ASIC2: variants seen among roughly 807,000 people sequenced by gnomAD.
ASIC2 encodes acid sensing ion channel subunit 2.
ASIC2 carries 25 observed loss-of-function variants against 57.3 expected under a neutral mutation model. The ratio of observed to expected loss-of-function variants is 0.44; its 90% CI spans 0.32 to 0.61. The LOEUF (loss-of-function observed/expected upper bound fraction) is 0.61. Ranked by LOEUF, ASIC2 falls within the 20% of genes least tolerant of loss-of-function variation. The pLI is 0.06. For synonymous variants in ASIC2, 319 were observed against 307.5 expected (o/e 1.04, Z -0.39); for missense variants, 641 against 738.1 (o/e 0.87, Z 1.52).
intron 1 of ASIC2, among the ~76,000 whole-genome samples, chr17:33,939,744 T>C (rs1043888543): frequency 1.3e-5 from 2 of 152,224 alleles, no homozygotes; most frequent in African/African-American, 2.4e-5. Context: ...AAGGTGTCCA[T>C]TCACTGTTGC....
intron 1 of ASIC2, among the ~76,000 whole-genome samples, chr17:33,438,575 G>C (rs1261497795): frequency 6.6e-6 from 1 of 152,140 alleles, no homozygotes. Context: ...ATTTGTCTCG[G>C]TGATTATTTG....
At chr17:33,777,466 G>A (rs1046389921) in intron 1 of ASIC2, among the ~76,000 whole-genome samples, 5 of 152,108 alleles carry the variant, frequency 3.3e-5, no homozygotes, top group African/African-American at 4.8e-5. Context: ...TGTGATACAA[G>A]CCCTGGAAAT....
chr17:34,150,039 G>A (rs1257383518), intron 1 of ASIC2, among the ~76,000 whole-genome samples: 3 of 152,176 alleles, frequency 2.0e-5, no homozygotes, highest in African/African-American at 7.2e-5. Context: ...TATACACAAT[G>A]GAATACTATT....
chr17:33,886,392 G>A (rs529514792), intron 1 of ASIC2, among the ~76,000 whole-genome samples: 1 of 152,250 alleles, frequency 6.6e-6, no homozygotes, highest in Admixed American at 6.5e-5. Context: ...ATCAGAAAGA[G>A]CAACAGTGAA....
chr17:34,099,629 A>G (rs1463678186), intron 1 of ASIC2, among the ~76,000 whole-genome samples: 2 of 146,408 alleles, frequency 1.4e-5, no homozygotes, highest in Admixed American at 6.8e-5. Flanking sequence ...AAAGAAAAAG[A>G]AAAAGAAAGA....
chr17:33,457,231 G>A (rs1387195364), intron 1 of ASIC2, among the ~76,000 whole-genome samples: 1 of 146,030 alleles, frequency 6.8e-6, no homozygotes, highest in African/African-American at 2.6e-5. Context: ...TGTAAATTTA[G>A]CCTTTTTTGT....
rs60183644 is a variant in ASIC2 at position 33,032,440 on chromosome 17, G to GTTTTTTTT, written c.988-4056_988-4049dup. Among the ~76,000 whole-genome samples, 73 of 94,108 alleles carry GTTTTTTTT rather than the reference G, an allele frequency of 7.8e-4. 15 individuals carry two copies. Among genetic ancestry groups the GTTTTTTTT allele is most frequent in the African/African-American group, 1.0e-3 (22 of 21,322 alleles). The allele number at this position is 94,108 out of a possible 152,430, so 61.7% of individuals were successfully genotyped here. On this transcript the variant is annotated intron_variant, in intron 3 of 9. Coordinates refer to ENST00000225823, the MANE Select transcript of ASIC2 (RefSeq NM_183377.2). Reference sequence around the variant, plus strand: ...TCTGTTATAAGCACTATAATACACTGTTTTTTTTTTTTTTTTTTTTTTTTT... The same window carrying GTTTTTTTT: ...TCTGTTATAAGCACTATAATACACTGTTTTTTTTTTTTTTTTTTTTTTTTTTTTTTTTT...
At chr17:33,377,473 T>C (rs969429741) in intron 1 of ASIC2, among the ~76,000 whole-genome samples, 3 of 152,370 alleles carry the variant, frequency 2.0e-5, no homozygotes, top group Middle Eastern at 3.4e-3. Flanking sequence ...CACTGGCTTC[T>C]CATTGCCAAT....
At chr17:33,330,926 C>T (rs745587502) in intron 1 of ASIC2, among the ~76,000 whole-genome samples, 15 of 152,048 alleles carry the variant, frequency 9.9e-5, no homozygotes, top group Admixed American at 2.6e-4. Flanking sequence ...GTATTGTGCT[C>T]GGTGTGTTTA....
chr17:33,747,242 TTG>T (rs909399717), intron 1 of ASIC2, among the ~76,000 whole-genome samples: 2 of 150,102 alleles, frequency 1.3e-5, no homozygotes, highest in African/African-American at 2.5e-5. Context: ...TTTTTTTTTT[TTG>T]AGATGGTCTA....
At chr17:33,667,528 C>T (rs563748542) in intron 1 of ASIC2, among the ~76,000 whole-genome samples, 2 of 152,300 alleles carry the variant, frequency 1.3e-5, no homozygotes, top group East Asian at 3.9e-4. Context: ...AAAATGGCCA[C>T]GTTGCAGAAT....
intron 1 of ASIC2, among the ~76,000 whole-genome samples, chr17:33,861,201 A>G (rs1180592993): frequency 6.6e-6 from 1 of 152,238 alleles, no homozygotes; most frequent in Non-Finnish European, 1.5e-5. Context: ...ATAATAAAGG[A>G]GCATATGCTT....
At chr17:33,083,523 G>A (rs1324866061) in intron 3 of ASIC2, among the ~76,000 whole-genome samples, 2 of 152,220 alleles carry the variant, frequency 1.3e-5, no homozygotes, top group African/African-American at 4.8e-5. Context: ...GTATGGAGCA[G>A]CTAACTATTC....
chr17:33,454,549 T>C lies in ASIC2; in HGVS notation c.556-342482A>G, dbSNP rs573226626. Among the ~76,000 whole-genome samples the C allele has an allele frequency of 8.8e-4, 134 of 152,330 alleles. 1 individual carries two copies. The highest frequency in any genetic ancestry group is 3.1e-3 in the African/African-American group (129 of 41,570). On this transcript the variant is annotated intron_variant, in intron 1 of 9. Coordinates refer to the ASIC2 transcript ENST00000359872. ...TTCTAGGTTATCTTCTTAACAATTG[T>C]GGTTTGTAGGCAAATAACCTTTGGC...
At chr17:33,785,186 C>T (rs1567714835) in intron 1 of ASIC2, among the ~76,000 whole-genome samples, 1 of 151,906 alleles carries the variant, frequency 6.6e-6, no homozygotes, top group Admixed American at 6.6e-5. Context: ...GGTACAGACA[C>T]ACAAGGAAGG....
chr17:33,916,863 C>G (rs144620954), intron 1 of ASIC2, among the ~76,000 whole-genome samples: 25 of 152,314 alleles, frequency 1.6e-4, no homozygotes, highest in African/African-American at 5.3e-4. Context: ...ACACATTGCT[C>G]TAGGCCTCAG....
At chr17:33,995,020 T>A (rs1444050256) in intron 1 of ASIC2, among the ~76,000 whole-genome samples, 1 of 152,136 alleles carries the variant, frequency 6.6e-6, no homozygotes, top group Non-Finnish European at 1.5e-5. Context: ...TGAGATGTGT[T>A]AGAGGACTCC....
intron 1 of ASIC2, among the ~76,000 whole-genome samples, chr17:33,471,934 A>G (rs1031466204): frequency 1.3e-5 from 2 of 152,166 alleles, no homozygotes; most frequent in African/African-American, 2.4e-5. Flanking sequence ...ACAAATGAGG[A>G]AACTGAGGCT....
At chr17:33,535,041 A>C (rs1915182308) in intron 1 of ASIC2, among the ~76,000 whole-genome samples, 1 of 152,196 alleles carries the variant, frequency 6.6e-6, no homozygotes, top group Admixed American at 6.5e-5. Flanking sequence ...TTTTTCAGAG[A>C]TGGAACTGAG....
Sources: allele counts gnomAD v4.1 joint callset (sites outside exome capture counted in the v4.1 genomes callset), GRCh38; gene constraint gnomAD v4.1.1; transcripts MANE v1.5; gene names NCBI Gene and HGNC (gene_info 2026-07-23, HGNC 2026-07-21).